SLC49A4: variants seen among roughly 807,000 people sequenced by gnomAD.
SLC49A4 encodes solute carrier family 49 member 4.
A neutral mutation model predicts 50.6 loss-of-function variants in SLC49A4; 36 were observed. That is an observed-to-expected ratio of 0.71 (90% CI 0.55 to 0.94). The LOEUF is 0.94. Ranked by LOEUF, SLC49A4 falls within the 40% of genes least tolerant of loss-of-function variation. The pLI, the probability that SLC49A4 is intolerant of heterozygous loss-of-function variation, is 0.00. For synonymous variants in SLC49A4, 248 were observed against 241.2 expected (o/e 1.03, Z -0.26); for missense variants, 503 against 605.7 (o/e 0.83, Z 1.78).
At chr3:122,803,365 G>A (rs1486582934) in intron 1 of SLC49A4, among the ~76,000 whole-genome samples, 5 of 152,172 alleles carry the variant, frequency 3.3e-5, no homozygotes. Context: ...CACTCCAGAA[G>A]GCACAGAGGA....
chr3:122,814,138 C>A (rs544289757), intron 2 of SLC49A4, among the ~76,000 whole-genome samples: 1 of 152,226 alleles, frequency 6.6e-6, no homozygotes, highest in South Asian at 2.1e-4. Context: ...AGGCATGGTG[C>A]ATTCCTATAA....
intron 1 of SLC49A4, among the ~76,000 whole-genome samples, chr3:122,801,178 A>G (rs1936122567): frequency 6.6e-6 from 1 of 152,248 alleles, no homozygotes; most frequent in Non-Finnish European, 1.5e-5. Flanking sequence ...GACAAAGGAA[A>G]CACATGAGGT....
intron 2 of SLC49A4, among the ~76,000 whole-genome samples, chr3:122,826,341 TAGA>T (rs1358685809): frequency 4.6e-5 from 7 of 152,200 alleles, no homozygotes; most frequent in South Asian, 2.1e-4. Context: ...GGCAGTCTAG[TAGA>T]AGGAGTATGG....
At chr3:122,847,350 ATTTTT>A (rs56148238) in intron 5 of SLC49A4, among the ~76,000 whole-genome samples, 1 of 139,210 alleles carries the variant, frequency 7.2e-6, no homozygotes, top group African/African-American at 2.7e-5. Context: ...ACAGTGTACA[ATTTTT>A]TTTTTTTTTT....
chr3:122,857,499 A>G (rs924307854), intron 6 of SLC49A4, among the ~76,000 whole-genome samples: 15 of 152,158 alleles, frequency 9.9e-5, no homozygotes, highest in African/African-American at 3.6e-4. Context: ...TCCACATATC[A>G]CCTCAATATC....
chr3:122,802,718 A>G (rs902840763), intron 1 of SLC49A4, among the ~76,000 whole-genome samples: 1 of 152,250 alleles, frequency 6.6e-6, no homozygotes, highest in Non-Finnish European at 1.5e-5. Context: ...GAAATGAAAA[A>G]TGTAATCAAT....
At position 122,879,627 on chromosome 3, in the gene SLC49A4, G is replaced by A. The variant is rs1397121935; in HGVS notation, c.*249G>A. 3.0e-6 allele frequency: 1 copy of A among 335,960 alleles called. No homozygotes were observed. The highest frequency in any genetic ancestry group is 6.2e-5 in the South Asian group (1 of 16,054). The allele number at this position is 335,960 out of a possible 1,614,324, so 20.8% of individuals were successfully genotyped here. On this transcript the variant is annotated 3_prime_UTR_variant, in exon 9 of 9. Transcript: ENST00000261038. Reference sequence around the variant, plus strand: ...CCTGTGCCTGCTTCTGGGGTTGGAAGTGTGACTTCTTACACATAAAGCACT... The same window carrying A: ...CCTGTGCCTGCTTCTGGGGTTGGAAATGTGACTTCTTACACATAAAGCACT...
intron 2 of SLC49A4, among the ~76,000 whole-genome samples, chr3:122,826,268 G>C (rs940476147): frequency 6.6e-6 from 1 of 152,322 alleles, no homozygotes; most frequent in East Asian, 1.9e-4. Flanking sequence ...TTGGCAAAGA[G>C]TGGGTATGAA....
intron 2 of SLC49A4, among the ~76,000 whole-genome samples, chr3:122,823,562 C>T (rs771923259): frequency 5.3e-5 from 8 of 152,222 alleles, no homozygotes; most frequent in Non-Finnish European, 8.8e-5. Context: ...TGTCACAGTG[C>T]CTACCCAACA....
chr3:122,849,741 G>T (rs1199073483), intron 5 of SLC49A4, among the ~76,000 whole-genome samples: 3 of 151,914 alleles, frequency 2.0e-5, no homozygotes, highest in African/African-American at 7.3e-5. Context: ...TCCCTTGTTG[G>T]ATGTATAGTT....
At chr3:122,857,316 T>G (rs1054746321) in intron 6 of SLC49A4, among the ~76,000 whole-genome samples, 1 of 134,980 alleles carries the variant, frequency 7.4e-6, no homozygotes, top group East Asian at 2.3e-4. Flanking sequence ...GGAAAAGAAT[T>G]AAAATGTTAC....
intron 2 of SLC49A4, among the ~76,000 whole-genome samples, chr3:122,813,563 T>C (rs1316479160): frequency 6.6e-6 from 1 of 152,176 alleles, no homozygotes; most frequent in Non-Finnish European, 1.5e-5. Flanking sequence ...ATGGATAGAA[T>C]TTTCAAAGTA....
intron 5 of SLC49A4, 115 bp downstream of exon 5, chr3:122,845,986 C>T: frequency 5.4e-6 from 3 of 552,206 alleles, no homozygotes; most frequent in Non-Finnish European, 8.6e-6. Flanking sequence ...CGTCCTATAC[C>T]ATTGTTGCAA....
At chr3:122,810,511 C>T (rs976686268) in intron 2 of SLC49A4, among the ~76,000 whole-genome samples, 1 of 152,128 alleles carries the variant, frequency 6.6e-6, no homozygotes, top group African/African-American at 2.4e-5. Flanking sequence ...GAAGGGTGAA[C>T]TTATAGTAAG....
At chr3:122,873,329 G>A (rs747738294) in intron 8 of SLC49A4, among the ~76,000 whole-genome samples, 39 of 152,182 alleles carry the variant, frequency 2.6e-4, no homozygotes, top group Non-Finnish European at 4.7e-4. Context: ...ACAGGCAGGT[G>A]CCACCATGCC....
Position 122,795,220 on chromosome 3 carries a change from G to T in SLC49A4, c.28G>T (p.Glu10Ter). The change falls in exon 1 of 9, where the codon GAG (glutamate) becomes TAG (stop). Residue 10 changes from glutamate (E) to a stop codon, truncating the protein, a stop_gained. Coordinates refer to ENST00000261038, the MANE Select transcript of SLC49A4 (RefSeq NM_032839.3). LOFTEE classifies it high-confidence loss of function. MGSRWSSEEERQPLLGPGLG... is the reference protein window; with the variant it reads MGSRWSSEE ...GGGCTCTCGCTGGAGCAGCGAAGAG[G>T]AGAGGCAGCCGCTGCTGGGGCCCGG... The T allele has an allele frequency of 2.2e-6, 3 of 1,337,810 alleles. No individual in the cohort carries two copies. Among genetic ancestry groups the T allele is most frequent in the Non-Finnish European group, 2.8e-6 (3 of 1,053,916 alleles). 82.9% of individuals were successfully genotyped at this position (1,337,810 alleles called of 1,614,324 possible). A position where few individuals can be genotyped will look rare whatever the true frequency, so the allele number is the denominator to read the frequency against.
chr3:122,874,208 G>A (rs954287754), intron 8 of SLC49A4, among the ~76,000 whole-genome samples: 4 of 152,076 alleles, frequency 2.6e-5, no homozygotes, highest in South Asian at 2.1e-4. Flanking sequence ...GCAGAGCTCC[G>A]TACACACCTG....
intron 5 of SLC49A4, 87 bp from the exon 6 acceptor site, chr3:122,856,220 A>G (rs1936987326): frequency 2.5e-6 from 3 of 1,223,034 alleles, no homozygotes; most frequent in African/African-American, 1.5e-5. Context: ...AGCTACTAAC[A>G]TATTGATTAT....
chr3:122,857,284 TAAAA>T (rs10694942), intron 6 of SLC49A4, among the ~76,000 whole-genome samples: 5 of 109,410 alleles, frequency 4.6e-5, no homozygotes, highest in South Asian at 3.3e-4. Flanking sequence ...CCATTCGTTC[TAAAA>T]AAAAAAAAAA....
Sources: gnomAD v4.1 joint callset for allele counts (sites outside exome capture counted in the v4.1 genomes callset) on GRCh38, gnomAD v4.1.1 for gene constraint, MANE v1.5 for transcripts, NCBI Gene and HGNC (gene_info 2026-07-23, HGNC 2026-07-21) for gene names.